The following PRKN variants were observed in gnomAD, a reference collection of about 807,000 sequenced individuals.
PRKN encodes E3 ubiquitin-protein ligase parkin.
PRKN carries 56 observed loss-of-function variants against 59.5 expected under a neutral mutation model. That is an observed-to-expected ratio of 0.94 (90% CI 0.76 to 1.18). The LOEUF (loss-of-function observed/expected upper bound fraction) is 1.18. Among genes scored for constraint, PRKN ranks in the 50% most tolerant of loss-of-function variants. The pLI is 0.00. For missense variants in PRKN, 657 were observed against 596.4 expected (o/e 1.10, Z -1.06); for synonymous variants, 250 against 222.1 (o/e 1.13, Z -1.12).
At chr6:161,742,614 G>A (rs2128191638) in intron 7 of PRKN, among the ~76,000 whole-genome samples, 1 of 152,288 alleles carries the variant, frequency 6.6e-6, no homozygotes. Context: ...ACATATGCAA[G>A]GACATTTCAG....
At chr6:161,567,851 T>C (rs1780714532) in intron 8 of PRKN, among the ~76,000 whole-genome samples, 1 of 152,198 alleles carries the variant, frequency 6.6e-6, no homozygotes, top group Admixed American at 6.5e-5. Flanking sequence ...CTGAGCAGAA[T>C]TGTCAGGGTA....
At position 162,676,356 on chromosome 6, in the gene PRKN, A is replaced by T. The variant is rs1779542254; in HGVS notation, c.7+51306T>A. On this transcript the variant is annotated intron_variant, in intron 1 of 11. Coordinates refer to ENST00000366898, the MANE Select transcript of PRKN (RefSeq NM_004562.3). Reference sequence around the variant, plus strand: ...ATACCCAATTTATTGGAAATATCAAAAAAAAAATAGCAGAGGTGAAAAAAA... The same window carrying T: ...ATACCCAATTTATTGGAAATATCAATAAAAAAATAGCAGAGGTGAAAAAAA... Among the ~76,000 whole-genome samples the T allele has an allele frequency of 3.9e-5, 6 of 152,284 alleles. No homozygotes were observed. The South Asian group carries it at 1.2e-3, about 32-fold the overall frequency.
At chr6:161,833,753 C>G (rs780013389) in intron 6 of PRKN, among the ~76,000 whole-genome samples, 3 of 152,148 alleles carry the variant, frequency 2.0e-5, no homozygotes, top group Admixed American at 6.5e-5. Flanking sequence ...CCGAGGCTAG[C>G]ACCCACGACA....
intron 6 of PRKN, among the ~76,000 whole-genome samples, chr6:161,916,860 G>A (rs12111273): frequency 0.12 from 17,520 of 152,000 alleles, 1,374 homozygotes; most frequent in African/African-American, 0.22. Flanking sequence ...ATGCAGTGGC[G>A]CGACCTCGGT....
At chr6:161,673,274 TG>T (rs1175513687) in intron 7 of PRKN, among the ~76,000 whole-genome samples, 1 of 151,732 alleles carries the variant, frequency 6.6e-6, no homozygotes, top group Non-Finnish European at 1.5e-5. Context: ...GTGTGCGGGG[TG>T]GGGGCTGGGA....
In PRKN at chr6:161,352,545, TATC is replaced by T. The variant is rs1387482924; in HGVS notation, c.1286-2337_1286-2335del. The stretch of plus-strand genomic sequence containing the variant: ...TTTCTCTAAAATATCATAAATATTT[TATC>T]ATATCATAAATATATCATTATTATA... On this transcript the variant is annotated intron_variant, in intron 11 of 11. Transcript: ENST00000366898. This position sits in a 1 kb window ranked among gnomAD's most constrained non-coding sequence, Gnocchi z 5.8. Among the ~76,000 whole-genome samples, 6 of 151,576 alleles carry T rather than the reference TATC, an allele frequency of 4.0e-5. No homozygotes were observed. Among genetic ancestry groups the T allele is most frequent in the Non-Finnish European group, 7.4e-5 (5 of 67,916 alleles).
chr6:162,583,167 C>T (rs1391068043), intron 1 of PRKN, among the ~76,000 whole-genome samples: 7 of 152,184 alleles, frequency 4.6e-5, no homozygotes, highest in Admixed American at 6.5e-5. Context: ...AACGACCTTA[C>T]CAGACACAAA....
chr6:162,600,464 A>G (rs927584957), intron 1 of PRKN, among the ~76,000 whole-genome samples: 2 of 152,216 alleles, frequency 1.3e-5, no homozygotes, highest in East Asian at 3.9e-4. Flanking sequence ...GTGGACATAC[A>G]CACTTACATC....
intron 2 of PRKN, among the ~76,000 whole-genome samples, chr6:162,288,589 G>A (rs1242819471): frequency 5.3e-5 from 8 of 152,200 alleles, no homozygotes; most frequent in East Asian, 1.9e-4. Context: ...GCAAGTCATC[G>A]TAAGTTCTAC....
At chr6:162,083,290 T>A (rs1779131011) in intron 4 of PRKN, among the ~76,000 whole-genome samples, 1 of 152,034 alleles carries the variant, frequency 6.6e-6, no homozygotes, top group Non-Finnish European at 1.5e-5. Flanking sequence ...AATGCAAAGG[T>A]TTAAAACATT....
At chr6:162,385,023 A>C (rs1288398166) in intron 2 of PRKN, among the ~76,000 whole-genome samples, 1 of 152,162 alleles carries the variant, frequency 6.6e-6, no homozygotes, top group Non-Finnish European at 1.5e-5. Context: ...AGTTTTAGAC[A>C]TAGTATTTCC....
At chr6:161,620,284 G>T (rs906022849) in intron 7 of PRKN, among the ~76,000 whole-genome samples, 1 of 151,862 alleles carries the variant, frequency 6.6e-6, no homozygotes, top group African/African-American at 2.4e-5. Context: ...TTACAGGTGT[G>T]AGCCACTGTG....
chr6:162,495,816 G>C (rs1464914146), intron 1 of PRKN, among the ~76,000 whole-genome samples: 1 of 152,102 alleles, frequency 6.6e-6, no homozygotes, highest in Non-Finnish European at 1.5e-5. Flanking sequence ...TCCTCACCAG[G>C]TTCTCACCAT....
At chr6:162,194,132 GTTATAT>G (rs1382919844) in intron 4 of PRKN, among the ~76,000 whole-genome samples, 2 of 152,104 alleles carry the variant, frequency 1.3e-5, no homozygotes, top group Admixed American at 6.6e-5. Flanking sequence ...TGAAGTTTAG[GTTATAT>G]TTATAACAAT....
At chr6:161,921,862 G>A (rs1055266701) in intron 6 of PRKN, among the ~76,000 whole-genome samples, 1 of 152,184 alleles carries the variant, frequency 6.6e-6, no homozygotes, top group African/African-American at 2.4e-5. Context: ...AAGTAGCACA[G>A]GATAGGCTGA....
intron 3 of PRKN, among the ~76,000 whole-genome samples, chr6:162,203,432 C>CTT (rs1784814355): frequency 1.3e-5 from 2 of 152,240 alleles, no homozygotes; most frequent in African/African-American, 2.4e-5. Flanking sequence ...AAGCTGTTGG[C>CTT]TCCACTTGGT....
intron 1 of PRKN, among the ~76,000 whole-genome samples, chr6:162,483,560 GGAGGGAGA>G (rs890498897): frequency 1.7e-4 from 6 of 35,370 alleles, no homozygotes; most frequent in Non-Finnish European, 2.7e-4. Context: ...ACGTAGGGAA[GGAGGGAGA>G]GAGGGAGAGA....
chr6:161,640,658 C>T (rs532105689), intron 7 of PRKN, among the ~76,000 whole-genome samples: 38 of 152,148 alleles, frequency 2.5e-4, no homozygotes, highest in South Asian at 1.5e-3. Flanking sequence ...GACTCAGCCA[C>T]GGCCTTTACC....
intron 9 of PRKN, among the ~76,000 whole-genome samples, chr6:161,482,024 C>T (rs1009837597): frequency 2.6e-5 from 4 of 151,988 alleles, no homozygotes; most frequent in Admixed American, 2.6e-4. Context: ...GTGGGGGAGA[C>T]TGCAACAACA....
Sources: allele counts gnomAD v4.1 joint callset (sites outside exome capture counted in the v4.1 genomes callset), GRCh38; gene constraint gnomAD v4.1.1; non-coding constraint Gnocchi (gnomAD v3.1); transcripts MANE v1.5; gene names NCBI Gene and HGNC (gene_info 2026-07-23, HGNC 2026-07-21).